KIF9: variants seen among roughly 807,000 people sequenced by gnomAD.
KIF9 encodes kinesin-like protein KIF9.
In KIF9, 68 loss-of-function variants were observed where a neutral mutation model predicts 94.8. The ratio of observed to expected loss-of-function variants is 0.72; its 90% CI spans 0.59 to 0.88. The LOEUF (loss-of-function observed/expected upper bound fraction) is 0.88, where lower values mean the gene tolerates loss of function less well. KIF9 is among the 40% of genes least tolerant of loss of function. KIF9 has a pLI of 0.00. For synonymous variants in KIF9, 343 were observed against 362.1 expected (o/e 0.95, Z 0.60); for missense variants, 882 against 982.5 (o/e 0.90, Z 1.37).
intron 9 of KIF9, 125 bp from the exon 10 acceptor site, chr3:47,257,685 G>A: frequency 1.3e-6 from 1 of 762,028 alleles, no homozygotes; most frequent in Non-Finnish European, 2.2e-6. Context: ...AACCCATGTT[G>A]GTTCCCTTCC....
Position 47,271,259 on chromosome 3 carries a change from T to A in KIF9, c.569A>T (p.Asp190Val). 6.2e-7 allele frequency: 1 copy of A among 1,612,960 alleles called. No individual in the cohort carries two copies. Among genetic ancestry groups the A allele is most frequent in the Non-Finnish European group, 8.5e-7 (1 of 1,179,168 alleles). ...CACCTCAAAAAGGAGGCTGAATGCA[T>A]CCTCCTCCTGACTTGTGAGGTGAAC... ...LSVHLTSQEE[D>V]AFSLLFEGET... is the part of the protein sequence containing the mutation. Residue 190 changes from aspartate to valine, a missense_variant, in exon 5 of 21, where the codon GAT becomes GTT. Asp to Val is a radical substitution (Grantham distance 152). Coordinates refer to ENST00000684063, the MANE Select transcript of KIF9 (RefSeq NM_182902.4).
chr3:47,258,366 C>T (rs1351006457), intron 9 of KIF9, among the ~76,000 whole-genome samples: 1 of 152,214 alleles, frequency 6.6e-6, no homozygotes, highest in Non-Finnish European at 1.5e-5. Flanking sequence ...CCACCTCAGC[C>T]TCCTAAGTAG....
intron 5 of KIF9, among the ~76,000 whole-genome samples, chr3:47,269,185 T>C (rs185476230): frequency 2.0e-5 from 3 of 152,376 alleles, no homozygotes; most frequent in Middle Eastern, 3.4e-3. Flanking sequence ...CCATTGCACA[T>C]GTGCCCATTG....
intron 1 of KIF9, 63 bp from the exon 2 acceptor site, chr3:47,277,442 G>C: frequency 9.3e-7 from 1 of 1,074,508 alleles, no homozygotes; most frequent in Non-Finnish European, 1.4e-6. Flanking sequence ...AGAGGAGAGG[G>C]GTCATTCATT....
chr3:47,255,750 GTCTCCCTCTCCCCACGGTCTCCC>G (rs1293613256), intron 10 of KIF9, among the ~76,000 whole-genome samples: 1 of 142,156 alleles, frequency 7.0e-6, no homozygotes, highest in African/African-American at 2.7e-5. Flanking sequence ...TCTCCCCACG[GTCTCCCTCTCCCCACGGTCTCCC>G]TCTCCCTCTC....
chr3:47,248,235 G>A, intron 10 of KIF9, 149 bp from the exon 11 acceptor site: 1 of 666,786 alleles, frequency 1.5e-6, no homozygotes, highest in Non-Finnish European at 2.7e-6. Flanking sequence ...TCAGCTTCTG[G>A]TGATTCCCTC....
In KIF9 at chr3:47,275,121, C is replaced by G. The variant is rs544487553; in HGVS notation, c.259+204G>C. On this transcript the variant is annotated intron_variant, in intron 3 of 20. Transcript: ENST00000684063. ...AGAGAGCCATAGTCTTTTAATTTTC[C>G]TATGAAGGTAGAATCCCAGGACATT... 1.9e-5 allele frequency: 10 copies of G among 538,258 alleles called. No individual in the cohort carries two copies. The African/African-American group carries it at 2.0e-4, about 11-fold the overall frequency. 33.3% of individuals were successfully genotyped at this position (538,258 alleles called of 1,614,324 possible).
At chr3:47,274,961 G>C (rs572497943) in intron 3 of KIF9, among the ~76,000 whole-genome samples, 1 of 152,298 alleles carries the variant, frequency 6.6e-6, no homozygotes, top group African/African-American at 2.4e-5. Flanking sequence ...TGTGTTGGTA[G>C]AATACATGAA....
At chr3:47,259,565 A>G (rs1317843244) in intron 9 of KIF9, among the ~76,000 whole-genome samples, 6 of 151,958 alleles carry the variant, frequency 3.9e-5, no homozygotes, top group African/African-American at 1.5e-4. Context: ...TCAGATTGTT[A>G]CTGTGTCTGT....
intron 12 of KIF9, among the ~76,000 whole-genome samples, chr3:47,246,893 T>C (rs1342680805): frequency 1.3e-5 from 2 of 152,144 alleles, no homozygotes; most frequent in African/African-American, 4.8e-5. Context: ...GAAAACAGGA[T>C]GCAGCCTTCC....
At chr3:47,271,549 A>G in intron 4 of KIF9, 88 bp from the exon 5 acceptor site, 1 of 857,508 alleles carries the variant, frequency 1.2e-6, no homozygotes, top group Admixed American at 1.8e-5. Flanking sequence ...AGAAGGGAAC[A>G]TCAAGATGTA....
rs1221178919 is a variant in KIF9, at chr3:47,264,360, G to A, written c.917-10C>T. On this transcript the variant is annotated splice_polypyrimidine_tract_variant and intron_variant, in intron 8 of 20. Coordinates refer to ENST00000684063, the MANE Select transcript of KIF9 (RefSeq NM_182902.4). The stretch of plus-strand genomic sequence containing the variant: ...ATATTGCAGTTTCCCCCTGCGGAAA[G>A]CAAGACACAGAAGGGCTATGAACCA... 2.5e-6 allele frequency: 4 copies of A among 1,611,586 alleles called. No homozygotes were observed. Among genetic ancestry groups the A allele is most frequent in the East Asian group, 2.2e-5 (1 of 44,876 alleles).
chr3:47,242,945 A>C, intron 16 of KIF9, 106 bp downstream of exon 16: 1 of 943,518 alleles, frequency 1.1e-6, no homozygotes, highest in Non-Finnish European at 1.5e-6. Flanking sequence ...GTCTTTGCCT[A>C]TTATTTCTTA....
At chr3:47,268,132 C>T (rs1306147397) in intron 5 of KIF9, among the ~76,000 whole-genome samples, 1 of 151,988 alleles carries the variant, frequency 6.6e-6, no homozygotes, top group Admixed American at 6.6e-5. Flanking sequence ...CGGCCTGCTA[C>T]AGTGCTGGGA....
chr3:47,250,858 C>A (rs1400028576), intron 10 of KIF9, among the ~76,000 whole-genome samples: 1 of 152,240 alleles, frequency 6.6e-6, no homozygotes, highest in Non-Finnish European at 1.5e-5. Flanking sequence ...CTGGCCCTCT[C>A]CCAGACCAAA....
intron 16 of KIF9, among the ~76,000 whole-genome samples, chr3:47,241,895 T>TC (rs1699586773): frequency 1.7e-5 from 2 of 118,552 alleles, no homozygotes; most frequent in East Asian, 2.2e-4. Context: ...TTTTTTTTTT[T>TC]TTTTCTTTGG....
intron 1 of KIF9, among the ~76,000 whole-genome samples, chr3:47,279,739 C>G (rs1190867587): frequency 5.3e-5 from 8 of 151,732 alleles, no homozygotes. Context: ...GCCTCAGCCT[C>G]CCGAGTAGCT....
chr3:47,241,660 T>G (rs1242986211), intron 16 of KIF9, among the ~76,000 whole-genome samples: 1 of 66,950 alleles, frequency 1.5e-5, no homozygotes, highest in Non-Finnish European at 3.9e-5. Context: ...TATATATATA[T>G]GTGTGTGTGT....
At chr3:47,281,865 G>A (rs2107549679) in intron 1 of KIF9, among the ~76,000 whole-genome samples, 1 of 152,332 alleles carries the variant, frequency 6.6e-6, no homozygotes, top group Admixed American at 6.5e-5. Flanking sequence ...GTTTGGTGGG[G>A]TGGAAGGCAC....
Sources: allele counts gnomAD v4.1 joint callset (sites outside exome capture counted in the v4.1 genomes callset), GRCh38; gene constraint gnomAD v4.1.1; transcripts MANE v1.5; gene names NCBI Gene and HGNC (gene_info 2026-07-23, HGNC 2026-07-21).